The following COG5 variants were observed in gnomAD, a reference collection of about 807,000 sequenced individuals.
The protein encoded by COG5 is component of oligomeric golgi complex 5.
COG5 carries 86 observed loss-of-function variants against 110.4 expected under a neutral mutation model. The observed-to-expected ratio is 0.78, with a 90% CI of 0.65 to 0.93. The LOEUF is 0.93. COG5 is among the 40% of genes least tolerant of loss of function. The probability of loss-of-function intolerance (pLI) is 0.00; values close to 1 mark genes in which losing one functional copy is unlikely to be tolerated. For missense variants in COG5, 1,077 were observed against 987.0 expected, an observed-to-expected ratio of 1.09 and a Z score of -1.22; for synonymous variants, 360 against 334.6, an observed-to-expected ratio of 1.08 and a Z score of -0.83.
At chr7:107,279,604 A>G (rs1433884459) in intron 14 of COG5, among the ~76,000 whole-genome samples, 1 of 152,134 alleles carries the variant, frequency 6.6e-6, no homozygotes, top group East Asian at 1.9e-4. Flanking sequence ...ATGCCAAGAA[A>G]CAAACATTAA....
Position 107,362,391 on chromosome 7 carries a change from G to A in COG5, c.865C>T (p.Pro289Ser). The A allele has an allele frequency of 1.2e-6, 2 of 1,613,878 alleles. No individual in the cohort carries two copies. Among genetic ancestry groups the A allele is most frequent in the Non-Finnish European group, 8.5e-7 (1 of 1,179,850 alleles). ...GCACGCAAAGCTGCAGTATTTCCTGGGGTTGGCATGGTAGATCGTCCAGGT... is the reference window on the plus strand; with the variant it reads ...GCACGCAAAGCTGCAGTATTTCCTGAGGTTGGCATGGTAGATCGTCCAGGT... ...GGPGRSTMPT[P>S]GNTAALRASF... is the part of the protein sequence containing the mutation. The change falls in exon 9 of 22, where the codon CCA becomes TCA. Residue 289 changes from proline (P) to serine (S), a missense_variant. By Grantham distance (74) the Pro-to-Ser change is moderately conservative (BLOSUM62 -1). Coordinates refer to ENST00000297135, the MANE Select transcript of COG5 (RefSeq NM_006348.5).
At chr7:107,380,852 A>G (rs1271012722) in intron 7 of COG5, among the ~76,000 whole-genome samples, 2 of 151,936 alleles carry the variant, frequency 1.3e-5, no homozygotes, top group African/African-American at 4.8e-5. Flanking sequence ...CAGAGACACA[A>G]CAACAAAAAA....
At chr7:107,292,142 T>A (rs536408502) in intron 12 of COG5, among the ~76,000 whole-genome samples, 3 of 152,208 alleles carry the variant, frequency 2.0e-5, no homozygotes, top group African/African-American at 7.2e-5. Flanking sequence ...GCCCAAGTGA[T>A]CCTCCCACCT....
At chr7:107,537,120 T>C (rs1348747372) in intron 5 of COG5, among the ~76,000 whole-genome samples, 2 of 152,128 alleles carry the variant, frequency 1.3e-5, no homozygotes, top group South Asian at 2.1e-4. Context: ...CTTTACACTG[T>C]TGGTGGGAGT....
intron 6 of COG5, among the ~76,000 whole-genome samples, chr7:107,491,114 CAATA>C (rs1403194978): frequency 6.6e-6 from 1 of 152,016 alleles, no homozygotes; most frequent in Non-Finnish European, 1.5e-5. Flanking sequence ...GTCTCTAAAT[CAATA>C]GATTAGGTGG....
intron 6 of COG5, among the ~76,000 whole-genome samples, chr7:107,416,866 A>C (rs528420214): frequency 1.2e-4 from 18 of 152,346 alleles, no homozygotes; most frequent in Admixed American, 7.8e-4. Flanking sequence ...AACTGGATAA[A>C]AGCTTTTAAG....
chr7:107,532,774 A>C (rs1046046973), intron 5 of COG5, among the ~76,000 whole-genome samples: 11 of 152,214 alleles, frequency 7.2e-5, no homozygotes, highest in African/African-American at 2.4e-4. Context: ...AATACACAGA[A>C]AATACCTGAG....
intron 11 of COG5, among the ~76,000 whole-genome samples, chr7:107,305,278 T>G (rs545343099): frequency 6.6e-6 from 1 of 152,312 alleles, no homozygotes; most frequent in African/African-American, 2.4e-5. Context: ...ACAGTCAGCC[T>G]TCATAGCTTA....
chr7:107,445,687 A>T (rs2129089455), intron 6 of COG5, among the ~76,000 whole-genome samples: 1 of 152,326 alleles, frequency 6.6e-6, no homozygotes, highest in South Asian at 2.1e-4. Context: ...ATATAAAATT[A>T]AATAAAAAAT....
intron 7 of COG5, among the ~76,000 whole-genome samples, chr7:107,381,553 C>A (rs146346802): frequency 2.6e-4 from 39 of 152,308 alleles, no homozygotes; most frequent in Non-Finnish European, 1.5e-5. Context: ...TTTTGCAATT[C>A]ACAGACAATT....
chr7:107,305,166 G>C (rs976722838), intron 11 of COG5, among the ~76,000 whole-genome samples: 2 of 152,198 alleles, frequency 1.3e-5, no homozygotes, highest in African/African-American at 4.8e-5. Flanking sequence ...AATTCAGATA[G>C]AAGAAACAGC....
chr7:107,204,050 T>A (rs181216570), intron 21 of COG5, among the ~76,000 whole-genome samples: 95 of 152,348 alleles, frequency 6.2e-4, no homozygotes, highest in African/African-American at 2.2e-3. Flanking sequence ...ATGGGGCCCT[T>A]TGGCACATTC....
chr7:107,285,062 A>G (rs569912251), intron 12 of COG5, among the ~76,000 whole-genome samples: 106 of 152,304 alleles, frequency 7.0e-4, no homozygotes, highest in African/African-American at 2.5e-3. Flanking sequence ...ATGTTTTCTC[A>G]TTCAGTAAGT....
intron 10 of COG5, among the ~76,000 whole-genome samples, chr7:107,332,889 G>A (rs934517285): frequency 2.0e-5 from 3 of 152,138 alleles, no homozygotes; most frequent in Non-Finnish European, 2.9e-5. Flanking sequence ...AAACCAAGAC[G>A]GGATGATGTG....
intron 14 of COG5, 101 bp downstream of exon 14, chr7:107,281,199 T>A: frequency 1.2e-6 from 1 of 813,806 alleles, no homozygotes; most frequent in Non-Finnish European, 2.0e-6. Context: ...AAAATGGAAG[T>A]AAGTAAATAG....
At chr7:107,318,289 G>A (rs918805524) in intron 11 of COG5, among the ~76,000 whole-genome samples, 1 of 152,094 alleles carries the variant, frequency 6.6e-6, no homozygotes, top group Non-Finnish European at 1.5e-5. Flanking sequence ...GCCTCCCAAA[G>A]TGCTGCGATT....
At chr7:107,421,955 A>T (rs1322056353) in intron 6 of COG5, among the ~76,000 whole-genome samples, 3 of 152,216 alleles carry the variant, frequency 2.0e-5, no homozygotes, top group African/African-American at 7.2e-5. Context: ...CCAACGCAGC[A>T]GTTAAGAAGG....
chr7:107,506,816 C>G lies in COG5; in HGVS notation c.538+20421G>C, dbSNP rs74912703. 8.2e-3 allele frequency among the ~76,000 whole-genome samples: 1,255 copies of G among 152,306 alleles called. 17 individuals are homozygous for G. Among genetic ancestry groups the G allele is most frequent in the African/African-American group, 0.026 (1,094 of 41,582 alleles). The stretch of plus-strand genomic sequence containing the variant: ...TAGCTTGTGGCTACAGGACACTTGC[C>G]ACTCACCCTCTGGTTCTGGCCTAGG... On this transcript the variant is annotated intron_variant, in intron 6 of 21. Coordinates refer to ENST00000297135, the MANE Select transcript of COG5 (RefSeq NM_006348.5).
intron 6 of COG5, among the ~76,000 whole-genome samples, chr7:107,498,964 C>A (rs1798455904): frequency 6.6e-6 from 1 of 152,090 alleles, no homozygotes; most frequent in Non-Finnish European, 1.5e-5. Flanking sequence ...ATTATTCCGA[C>A]TTAAACAAGA....
Sources: gnomAD v4.1 joint callset for allele counts (sites outside exome capture counted in the v4.1 genomes callset) on GRCh38, gnomAD v4.1.1 for gene constraint, MANE v1.5 for transcripts, NCBI Gene and HGNC (gene_info 2026-07-23, HGNC 2026-07-21) for gene names.